The following CSF1R variants were observed in gnomAD, a reference collection of about 807,000 sequenced individuals.
CSF1R encodes the protein macrophage colony-stimulating factor 1 receptor.
In CSF1R, 40 loss-of-function variants were observed where a neutral mutation model predicts 110.0. The observed-to-expected ratio is 0.36, with a 90% CI of 0.28 to 0.47. The LOEUF (loss-of-function observed/expected upper bound fraction) is 0.47. CSF1R is among the 20% of genes least tolerant of loss of function. CSF1R has a pLI of 0.99. For synonymous variants in CSF1R, 523 were observed against 503.4 expected (o/e 1.04, Z -0.52); for missense variants, 1,052 against 1,253.0 (o/e 0.84, Z 2.42).
intron 3 of CSF1R, among the ~76,000 whole-genome samples, chr5:150,078,753 T>G (rs911212482): frequency 6.6e-6 from 1 of 152,158 alleles, no homozygotes; most frequent in Non-Finnish European, 1.5e-5. Context: ...CCACAGGGCC[T>G]TTGCACCCAC....
chr5:150,069,198 T>G (rs1757920628), intron 9 of CSF1R, among the ~76,000 whole-genome samples: 1 of 152,200 alleles, frequency 6.6e-6, no homozygotes, highest in African/African-American at 2.4e-5. Flanking sequence ...TGACCACCCC[T>G]GAGCCAGGCA....
intron 10 of CSF1R, 31 bp downstream of exon 10, chr5:150,068,184 C>T (rs1488786794): frequency 7.6e-6 from 12 of 1,573,212 alleles, no homozygotes; most frequent in East Asian, 2.3e-5. Flanking sequence ...CTCACTCAGG[C>T]ACCTGGCAGC....
At chr5:150,085,455 A>G (rs548136515) in intron 1 of CSF1R, among the ~76,000 whole-genome samples, 1 of 151,718 alleles carries the variant, frequency 6.6e-6, no homozygotes, top group Admixed American at 6.6e-5. Context: ...ATCCTCCCCC[A>G]AGGTCCCTTT....
Position 150,108,006 on chromosome 5 carries a change from A to C in CSF1R, c.-181+5255T>G, listed in dbSNP as rs1008883656. Among the ~76,000 whole-genome samples the C allele has an allele frequency of 2.0e-5, 3 of 152,300 alleles. No homozygotes were observed. The East Asian group carries it at 5.8e-4, about 29-fold the overall frequency. On this transcript the variant is annotated intron_variant, in intron 1 of 21. Transcript: ENST00000286301. ...GGGAGTTGCAAGATGTCCTGGGATC[A>C]CCGGAGAGAAGAGTCAAGGAAGGCC...
rs2113824114 is a variant in CSF1R at position 150,077,315 on chromosome 5, G to A, written c.850C>T (p.Gln284Ter). 1 of 1,614,214 alleles carries A rather than the reference G, an allele frequency of 6.2e-7. No individual in the cohort carries two copies. Residue 284 changes from glutamine to a stop codon, truncating the protein, a stop_gained, in exon 5 of 21, where the codon CAG (glutamine) becomes TAG (stop). Transcript: ENST00000675795. LOFTEE classifies it high-confidence loss of function. Reference sequence around the variant, plus strand: ...AACATGGAGGTGGAGTGCTTGCCCTGCACGTTGCTGGCCACGCAGGAGTAG... The same window carrying A: ...AACATGGAGGTGGAGTGCTTGCCCTACACGTTGCTGGCCACGCAGGAGTAG... ...GNYSCVASNV[Q>*]GKHSTSMFFR...
upstream of CSF1R, among the ~76,000 whole-genome samples, chr5:150,087,273 TG>T (rs199826884): frequency 1.9e-3 from 294 of 152,382 alleles, 4 homozygotes; most frequent in East Asian, 0.018. Flanking sequence ...AAACGGAGTT[TG>T]TTTTCTTCCT....
intron 5 of CSF1R, among the ~76,000 whole-genome samples, chr5:150,074,305 G>GTTTTTTTT (rs35475636): frequency 2.4e-5 from 3 of 126,864 alleles, no homozygotes; most frequent in East Asian, 2.6e-4. Flanking sequence ...GTCCTGACTA[G>GTTTTTTTT]TTTTTTTTTT....
At chr5:150,104,883 T>G (rs1034169453) in intron 1 of CSF1R, among the ~76,000 whole-genome samples, 2 of 151,110 alleles carry the variant, frequency 1.3e-5, no homozygotes, top group Non-Finnish European at 2.9e-5. Context: ...TGTTCATTTG[T>G]TCTTTTTTTT....
chr5:150,101,697 G>A (rs1759410582), intron 1 of CSF1R, among the ~76,000 whole-genome samples: 1 of 147,644 alleles, frequency 6.8e-6, no homozygotes, highest in South Asian at 2.1e-4. Flanking sequence ...GTCACTGTAA[G>A]ATATTCATCC....
intron 1 of CSF1R, among the ~76,000 whole-genome samples, chr5:150,110,677 G>A (rs1759690549): frequency 6.6e-6 from 1 of 152,034 alleles, no homozygotes; most frequent in South Asian, 2.1e-4. Context: ...ATATTAGTAT[G>A]GATATAAAGA....
chr5:150,058,092 C>A (rs781087259), intron 14 of CSF1R: 3 of 401,188 alleles, frequency 7.5e-6, no homozygotes, highest in Non-Finnish European at 1.5e-5. Context: ...ATTTAAATCT[C>A]CCCAGGTGAT....
intron 1 of CSF1R, among the ~76,000 whole-genome samples, chr5:150,081,251 G>T (rs902789730): frequency 6.6e-6 from 1 of 152,092 alleles, no homozygotes; most frequent in African/African-American, 2.4e-5. Flanking sequence ...CTGAGAAAGG[G>T]GGCTTGCAGC....
rs1468253785 is a variant in CSF1R, at chr5:150,086,513, G to A, written c.-86C>T. ...CTCAGCTACTAGCTCCGCAGGGATC[G>A]GGACACTGGACACACGTTCCTCTCC... On this transcript the variant is annotated 5_prime_UTR_variant, in exon 1 of 21. Transcript: ENST00000675795. 1.4e-5 allele frequency: 18 copies of A among 1,313,654 alleles called. No homozygotes were observed. Among genetic ancestry groups the A allele is most frequent in the Admixed American group, 1.4e-4 (7 of 51,186 alleles). 81.4% of individuals were successfully genotyped at this position (1,313,654 alleles called of 1,614,324 possible).
At chr5:150,069,352 G>A (rs936795950) in intron 9 of CSF1R, among the ~76,000 whole-genome samples, 2 of 152,194 alleles carry the variant, frequency 1.3e-5, no homozygotes, top group African/African-American at 4.8e-5. Context: ...GCACAGGGCC[G>A]GGCATCATCC....
intron 5 of CSF1R, among the ~76,000 whole-genome samples, chr5:150,075,346 T>C (rs1388619651): frequency 6.6e-6 from 1 of 152,146 alleles, no homozygotes; most frequent in Non-Finnish European, 1.5e-5. Flanking sequence ...TGCGGTAGCC[T>C]CCTTTCATCT....
At chr5:150,076,728 C>A (rs748699530) in intron 5 of CSF1R, among the ~76,000 whole-genome samples, 3 of 152,226 alleles carry the variant, frequency 2.0e-5, no homozygotes, top group Non-Finnish European at 2.9e-5. Context: ...TCCAAATGAT[C>A]TATGTTCTCT....
At chr5:150,099,095 G>A (rs13158159) in intron 1 of CSF1R, among the ~76,000 whole-genome samples, 44,777 of 144,128 alleles carry the variant, frequency 0.31, 7,100 homozygotes, top group East Asian at 0.45. Context: ...TTTTAGGAGA[G>A]ACATGTTTCA....
chr5:150,095,819 G>A (rs963875742), intron 1 of CSF1R, among the ~76,000 whole-genome samples: 41 of 145,434 alleles, frequency 2.8e-4, no homozygotes, highest in African/African-American at 1.0e-3. Context: ...AATGGAAAGT[G>A]GACATCAATA....
At chr5:150,064,509 A>G (rs1185814450) in intron 10 of CSF1R, among the ~76,000 whole-genome samples, 1 of 152,126 alleles carries the variant, frequency 6.6e-6, no homozygotes, top group Non-Finnish European at 1.5e-5. Context: ...ACCCAGGGAG[A>G]AGAACTTCCC....
Sources: gnomAD v4.1 joint callset for allele counts (sites outside exome capture counted in the v4.1 genomes callset) on GRCh38, gnomAD v4.1.1 for gene constraint, MANE v1.5 for transcripts, NCBI Gene and HGNC (gene_info 2026-07-23, HGNC 2026-07-21) for gene names.